Variants in SP4 observed in about 807,000 individuals in gnomAD.
SP4 encodes the protein Sp4 transcription factor.
SP4 carries 19 observed loss-of-function variants against 72.8 expected under a neutral mutation model. That is an observed-to-expected ratio of 0.26 (90% CI 0.18 to 0.38). The LOEUF (loss-of-function observed/expected upper bound fraction) is 0.38, where lower values mean the gene tolerates loss of function less well. SP4 is among the 10% of genes least tolerant of loss of function. SP4 has a pLI of 1.00. For synonymous variants in SP4, 395 were observed against 333.1 expected, an observed-to-expected ratio of 1.19 and a Z score of -2.02; for missense variants, 1,008 against 926.3, an observed-to-expected ratio of 1.09 and a Z score of -1.14.
At chr7:21,510,575 T>C (rs1782116311) in intron 5 of SP4, among the ~76,000 whole-genome samples, 1 of 152,230 alleles carries the variant, frequency 6.6e-6, no homozygotes, top group African/African-American at 2.4e-5. Flanking sequence ...ATTATTAACT[T>C]AGTTTATTTG....
rs530120638 is a variant in SP4 at position 21,448,271 on chromosome 7, T to C, written c.1678+17428T>C. ...TCACTACTATTATACAGAAATTTTTTAAAAAAGAAAATTGTGCTTTCTAGT... is the reference window on the plus strand; with the variant it reads ...TCACTACTATTATACAGAAATTTTTCAAAAAAGAAAATTGTGCTTTCTAGT... On this transcript the variant is annotated intron_variant, in intron 3 of 5. Transcript: ENST00000222584. Among the ~76,000 whole-genome samples, 1,182 of 144,122 alleles carry C rather than the reference T, an allele frequency of 8.2e-3. 9 individuals are homozygous for C. The highest frequency in any genetic ancestry group is 0.015 in the Non-Finnish European group (949 of 65,308). The allele number at this position is 144,122 out of a possible 152,430, so 94.5% of individuals were successfully genotyped here. A position where few individuals can be genotyped will look rare whatever the true frequency, so the allele number is the denominator to read the frequency against.
In SP4 at chr7:21,511,291, C is replaced by T; in HGVS notation, c.*22C>T. 3 of 1,607,626 alleles carry T rather than the reference C, an allele frequency of 1.9e-6. No individual in the cohort carries two copies. Among genetic ancestry groups the T allele is most frequent in the Middle Eastern group, 3.3e-4 (2 of 6,046 alleles). On this transcript the variant is annotated 3_prime_UTR_variant, in exon 6 of 6. Transcript: ENST00000222584. Reference sequence around the variant, plus strand: ...CTGAAAAGTTATTTATAACAGAGACCTCTAGTGCTGCACTTGTTTACACAC... The same window carrying T: ...CTGAAAAGTTATTTATAACAGAGACTTCTAGTGCTGCACTTGTTTACACAC...
At chr7:21,460,067 C>G (rs765957444) in intron 3 of SP4, among the ~76,000 whole-genome samples, 2 of 152,138 alleles carry the variant, frequency 1.3e-5, no homozygotes, top group East Asian at 1.9e-4. Context: ...TCCATGAAAC[C>G]TGGTAGGCTT....
chr7:21,428,397 G>A (rs1782697901), intron 1 of SP4, 139 bp downstream of exon 1: 1 of 693,708 alleles, frequency 1.4e-6, no homozygotes, highest in African/African-American at 1.8e-5. Flanking sequence ...GAGGGAATCG[G>A]GGAGGGAAGG....
Position 21,428,194 on chromosome 7 carries a change from A to ACCCCCC in SP4, c.-53_-52insCCCCCC. ...CGGCCTCTCCTCCCGCCTCGCCCCCACCCCCACCCACCTCTATCCCAGTGT... is the reference window on the plus strand; with the variant it reads ...CGGCCTCTCCTCCCGCCTCGCCCCCACCCCCCCCCCCACCCACCTCTATCCCAGTGT... On this transcript the variant is annotated 5_prime_UTR_variant, in exon 1 of 6. Transcript: ENST00000222584. 1 of 248,666 alleles carries ACCCCCC rather than the reference A, an allele frequency of 4.0e-6. No homozygotes were observed. Among genetic ancestry groups the ACCCCCC allele is most frequent in the Non-Finnish European group, 8.1e-6 (1 of 124,066 alleles). The allele number at this position is 248,666 out of a possible 1,614,324, so 15.4% of individuals were successfully genotyped here. A position where few individuals can be genotyped will look rare whatever the true frequency, so the allele number is the denominator to read the frequency against.
At chr7:21,491,963 G>A (rs575585861) in intron 5 of SP4, among the ~76,000 whole-genome samples, 7 of 152,242 alleles carry the variant, frequency 4.6e-5, no homozygotes, top group East Asian at 1.9e-4. Flanking sequence ...AAAATAAATC[G>A]TCTTTTCTGT....
intron 5 of SP4, 108 bp downstream of exon 5, chr7:21,482,231 G>A: frequency 1.2e-6 from 1 of 803,488 alleles, no homozygotes; most frequent in Non-Finnish European, 2.0e-6. Flanking sequence ...TGAAGGAGAA[G>A]GCATTTACTT....
chr7:21,499,792 T>C (rs2128415675), intron 5 of SP4, among the ~76,000 whole-genome samples: 1 of 152,334 alleles, frequency 6.6e-6, no homozygotes, highest in African/African-American at 2.4e-5. Context: ...GAAATAGCAT[T>C]AGTAATTTAA....
chr7:21,429,215 C>T (rs1027945666), intron 2 of SP4, 74 bp from the exon 3 acceptor site: 4 of 760,998 alleles, frequency 5.3e-6, no homozygotes, highest in East Asian at 2.6e-5. Context: ...AACCCCCTGG[C>T]AACTACTGGC....
At chr7:21,488,371 A>C (rs1259536795) in intron 5 of SP4, among the ~76,000 whole-genome samples, 1 of 151,990 alleles carries the variant, frequency 6.6e-6, no homozygotes, top group East Asian at 1.9e-4. Flanking sequence ...TCTCCCTCCC[A>C]GCAGAAGACA....
In SP4 at chr7:21,477,039, A is replaced by G. The variant is rs755702439; in HGVS notation, c.1679-40A>G. ...TTTTTTTAATCCTTTCTTTAGGTGTAGAAAACATTACAATACTTCTTTTTT... is the reference window on the plus strand; with the variant it reads ...TTTTTTTAATCCTTTCTTTAGGTGTGGAAAACATTACAATACTTCTTTTTT... On this transcript the variant is annotated intron_variant, in intron 3 of 5. Coordinates refer to ENST00000222584, the MANE Select transcript of SP4 (RefSeq NM_003112.5). 1.3e-5 allele frequency: 19 copies of G among 1,487,164 alleles called. No homozygotes were observed. In the East Asian group the frequency reaches 3.9e-4, roughly 30 times the overall value. The allele number at this position is 1,487,164 out of a possible 1,614,324, so 92.1% of individuals were successfully genotyped here.
intron 5 of SP4, among the ~76,000 whole-genome samples, chr7:21,501,871 A>G (rs1781871777): frequency 6.6e-6 from 1 of 152,144 alleles, no homozygotes; most frequent in Admixed American, 6.5e-5. Flanking sequence ...GGCTGATGGC[A>G]TTTAGCTGGC....
chr7:21,495,041 AC>A (rs1393221887), intron 5 of SP4, among the ~76,000 whole-genome samples: 2 of 152,142 alleles, frequency 1.3e-5, no homozygotes, highest in South Asian at 2.1e-4. Flanking sequence ...CATATGCAAA[AC>A]CTTTAACCTA....
intron 3 of SP4, among the ~76,000 whole-genome samples, chr7:21,449,114 C>T (rs1014260941): frequency 6.6e-6 from 1 of 152,178 alleles, no homozygotes; most frequent in Non-Finnish European, 1.5e-5. Flanking sequence ...GCTCTAATCA[C>T]CCCCCAGGGC....
chr7:21,428,179 T>G lies in SP4; in HGVS notation c.-73T>G. On this transcript the variant is annotated 5_prime_UTR_variant, in exon 1 of 6. Coordinates refer to ENST00000222584, the MANE Select transcript of SP4 (RefSeq NM_003112.5). ...GCGGGCGGGCGGGACCGGCCTCTCC[T>G]CCCGCCTCGCCCCCACCCCCACCCA... The G allele has an allele frequency of 5.0e-5, 30 of 600,724 alleles. No individual in the cohort carries two copies. Among genetic ancestry groups the G allele is most frequent in the Admixed American group, 6.8e-5 (3 of 44,286 alleles). The allele number at this position is 600,724 out of a possible 1,614,324, so 37.2% of individuals were successfully genotyped here.
chr7:21,455,272 A>G (rs1462324257), intron 3 of SP4, among the ~76,000 whole-genome samples: 4 of 152,206 alleles, frequency 2.6e-5, no homozygotes, highest in Non-Finnish European at 5.9e-5. Flanking sequence ...ACCACTTGCA[A>G]TTAACTGAAG....
At chr7:21,465,876 G>A (rs1010160319) in intron 3 of SP4, among the ~76,000 whole-genome samples, 6 of 151,990 alleles carry the variant, frequency 3.9e-5, no homozygotes, top group Non-Finnish European at 8.8e-5. Context: ...AAAAAAAAAG[G>A]TTTAATTAAG....
At chr7:21,455,696 G>T (rs1485122640) in intron 3 of SP4, among the ~76,000 whole-genome samples, 4 of 152,106 alleles carry the variant, frequency 2.6e-5, no homozygotes, top group Non-Finnish European at 4.4e-5. Context: ...ACCTATCATT[G>T]TGCCTTCAAC....
chr7:21,490,163 G>C (rs1784939113), intron 5 of SP4, among the ~76,000 whole-genome samples: 2 of 152,202 alleles, frequency 1.3e-5, no homozygotes, highest in African/African-American at 4.8e-5. Context: ...ATTGAGAAAT[G>C]AAGTGAAAAC....
Sources: gnomAD v4.1 joint callset for allele counts (sites outside exome capture counted in the v4.1 genomes callset) on GRCh38, gnomAD v4.1.1 for gene constraint, MANE v1.5 for transcripts, NCBI Gene and HGNC (gene_info 2026-07-23, HGNC 2026-07-21) for gene names.